Variants in FRAS1 observed in about 807,000 individuals in gnomAD.
FRAS1 encodes the protein Fraser extracellular matrix complex subunit 1, also known as extracellular matrix organizing protein FRAS1.
FRAS1 carries 290 observed loss-of-function variants against 435.2 expected under a neutral mutation model. The observed-to-expected ratio is 0.67, with a 90% confidence interval of 0.61 to 0.73. FRAS1 has a LOEUF of 0.73. Among genes scored for constraint, FRAS1 ranks in the 30% least tolerant of loss-of-function variants. The pLI is 0.00. For missense variants in FRAS1, 4,860 were observed against 5,001.5 expected (o/e 0.97, Z 0.85); for synonymous variants, 1,800 against 1,851.0 (o/e 0.97, Z 0.71).
At chr4:78,311,283 G>C (rs1729008893) in intron 15 of FRAS1, among the ~76,000 whole-genome samples, 1 of 151,280 alleles carries the variant, frequency 6.6e-6, no homozygotes, top group African/African-American at 2.4e-5. Flanking sequence ...TATCTAACTG[G>C]GTATTTTTAT....
At position 78,278,760 on chromosome 4, in the gene FRAS1, A is replaced by C. The variant is rs542103080; in HGVS notation, c.1071+16A>C. The C allele has an allele frequency of 1.8e-5, 25 of 1,376,728 alleles. No homozygotes were observed. Among genetic ancestry groups the C allele is most frequent in the Non-Finnish European group, 2.5e-5 (24 of 971,194 alleles). 85.3% of individuals were successfully genotyped at this position (1,376,728 alleles called of 1,614,324 possible). On this transcript the variant is annotated intron_variant, in intron 10 of 73. Coordinates refer to ENST00000512123, the MANE Select transcript of FRAS1 (RefSeq NM_025074.7). ...TGGAGAATTTGTGAGTATCAGGCTT[A>C]TAACCGAAGATGATTTCAAATTAAT...
At chr4:78,205,996 A>T (rs1723239551) in intron 2 of FRAS1, among the ~76,000 whole-genome samples, 1 of 152,160 alleles carries the variant, frequency 6.6e-6, no homozygotes, top group African/African-American at 2.4e-5. Flanking sequence ...GGACAACTTA[A>T]TATTTTCAAA....
chr4:78,431,531 T>C (rs1047773170), intron 37 of FRAS1, among the ~76,000 whole-genome samples: 1 of 152,186 alleles, frequency 6.6e-6, no homozygotes, highest in Non-Finnish European at 1.5e-5. Flanking sequence ...TCAATCTCAA[T>C]ACATAGCACT....
chr4:78,262,699 A>G (rs535026114), intron 6 of FRAS1, among the ~76,000 whole-genome samples: 18 of 152,302 alleles, frequency 1.2e-4, no homozygotes, highest in South Asian at 6.2e-4. Flanking sequence ...CTTCTTTATC[A>G]TAAGTATTTT....
At chr4:78,149,949 G>T (rs557119925) in intron 2 of FRAS1, among the ~76,000 whole-genome samples, 1 of 152,290 alleles carries the variant, frequency 6.6e-6, no homozygotes, top group South Asian at 2.1e-4. Flanking sequence ...TGCAGTGGTG[G>T]CTCCAAGAGG....
chr4:78,326,660 A>G (rs1433750870), intron 18 of FRAS1, among the ~76,000 whole-genome samples: 1 of 152,214 alleles, frequency 6.6e-6, no homozygotes, highest in Non-Finnish European at 1.5e-5. Context: ...AGCTGTACAC[A>G]TAAATTTAGG....
chr4:78,460,460 C>T (rs1179241722), intron 47 of FRAS1, among the ~76,000 whole-genome samples: 1 of 152,216 alleles, frequency 6.6e-6, no homozygotes, highest in Non-Finnish European at 1.5e-5. Flanking sequence ...GAAACACCAC[C>T]TTGCTGGCAA....
chr4:78,178,716 C>G (rs1721876356), intron 2 of FRAS1, among the ~76,000 whole-genome samples: 1 of 152,178 alleles, frequency 6.6e-6, no homozygotes, highest in Admixed American at 6.5e-5. Context: ...TGCCCCTGCT[C>G]TCAGCCAGTG....
intron 2 of FRAS1, among the ~76,000 whole-genome samples, chr4:78,067,223 A>C (rs983391933): frequency 6.6e-6 from 1 of 152,156 alleles, no homozygotes; most frequent in African/African-American, 2.4e-5. Flanking sequence ...TAGGCAGGCC[A>C]TGTATCATTC....
intron 2 of FRAS1, among the ~76,000 whole-genome samples, chr4:78,128,061 G>A (rs1330474274): frequency 6.6e-6 from 1 of 152,060 alleles, no homozygotes; most frequent in African/African-American, 2.4e-5. Flanking sequence ...TTTCATCCAT[G>A]TCCCTACAAA....
intron 2 of FRAS1, among the ~76,000 whole-genome samples, chr4:78,089,804 T>G (rs1431433323): frequency 6.6e-6 from 1 of 152,162 alleles, no homozygotes; most frequent in East Asian, 1.9e-4. Flanking sequence ...AGTTTTTTGT[T>G]ACATAGAGAA....
intron 2 of FRAS1, among the ~76,000 whole-genome samples, chr4:78,132,353 G>T (rs1178192855): frequency 6.6e-6 from 1 of 152,070 alleles, no homozygotes; most frequent in Non-Finnish European, 1.5e-5. Context: ...TTTCTTAAAA[G>T]AAAAAGCAAA....
At chr4:78,283,017 A>G (rs753295595) in intron 12 of FRAS1, 50 bp downstream of exon 12, 1 of 1,339,544 alleles carries the variant, frequency 7.5e-7, no homozygotes, top group East Asian at 2.9e-5. Flanking sequence ...ACTGCCAAAA[A>G]GCTCAGAGAT....
chr4:78,326,740 A>C (rs528493019), intron 18 of FRAS1, among the ~76,000 whole-genome samples: 13 of 152,156 alleles, frequency 8.5e-5, no homozygotes, highest in Non-Finnish European at 1.6e-4. Context: ...AGGAAGGATA[A>C]AGGGTGGAAC....
chr4:78,065,145 T>A (rs1021185683), intron 1 of FRAS1, among the ~76,000 whole-genome samples: 5 of 145,924 alleles, frequency 3.4e-5, no homozygotes, highest in Admixed American at 7.0e-5. Flanking sequence ...ATATATATAC[T>A]ATATATAGTA....
chr4:78,430,388 C>T lies in FRAS1; in HGVS notation c.4940C>T (p.Thr1647Ile), dbSNP rs34271211. 1.6e-3 allele frequency: 2,520 copies of T among 1,613,560 alleles called. 35 individuals are homozygous for T. In the African/African-American group the frequency reaches 0.03, roughly 19 times the overall value. The change falls in exon 37 of 74, where the codon ACA (threonine) becomes ATA (isoleucine). Residue 1647 changes from threonine (T) to isoleucine (I), a missense_variant. Coordinates refer to ENST00000512123, the MANE Select transcript of FRAS1 (RefSeq NM_025074.7). The stretch of plus-strand genomic sequence containing the variant: ...CAGCATGGTGTGCTTCTTAAGCATA[C>T]AGCTGAGTTCCGAAGGCCGATGGCC... ...PPQHGVLLKHTAEFRRPMATG... is the reference protein window; with the variant it reads ...PPQHGVLLKHIAEFRRPMATG...
chr4:78,137,844 T>C (rs894010435), intron 2 of FRAS1, among the ~76,000 whole-genome samples: 4 of 152,394 alleles, frequency 2.6e-5, no homozygotes, highest in African/African-American at 7.2e-5. Context: ...AATTCTTATC[T>C]GTTAAATGGG....
At chr4:78,088,766 AAGTT>A (rs1348868441) in intron 2 of FRAS1, among the ~76,000 whole-genome samples, 1 of 152,208 alleles carries the variant, frequency 6.6e-6, no homozygotes, top group East Asian at 1.9e-4. Context: ...GATCATTAAA[AAGTT>A]AGGAAACCAC....
rs996424735 is a variant in FRAS1, at chr4:78,067,070, T to C, written c.108+1054T>C. Among the ~76,000 whole-genome samples, 6 of 152,334 alleles carry C rather than the reference T, an allele frequency of 3.9e-5. 1 individual carries two copies. Among genetic ancestry groups the C allele is most frequent in the Admixed American group, 6.5e-5 (1 of 15,302 alleles). ...TTTGCTCTAAAATATATTATCACTT[T>C]TGGGGAGCTACAGTAGATATTTAGA... On this transcript the variant is annotated intron_variant, in intron 2 of 73. Coordinates refer to ENST00000512123, the MANE Select transcript of FRAS1 (RefSeq NM_025074.7).
Sources: allele counts gnomAD v4.1 joint callset (sites outside exome capture counted in the v4.1 genomes callset), GRCh38; gene constraint gnomAD v4.1.1; transcripts MANE v1.5; gene names NCBI Gene and HGNC (gene_info 2026-07-23, HGNC 2026-07-21).